AKAP6: variants seen among roughly 807,000 people sequenced by gnomAD.
AKAP6 encodes A-kinase anchor protein 6.
AKAP6 carries 58 observed loss-of-function variants against 188.5 expected under a neutral mutation model. That is an observed-to-expected ratio of 0.31 (90% CI 0.25 to 0.38). AKAP6 has a LOEUF of 0.38. AKAP6 is among the 10% of genes least tolerant of loss of function. The pLI is 1.00. For missense variants in AKAP6, 2,710 were observed against 2,740.0 expected, an observed-to-expected ratio of 0.99 and a Z score of 0.24; for synonymous variants, 989 against 998.6, an observed-to-expected ratio of 0.99 and a Z score of 0.18.
chr14:32,770,645 C>T (rs2032869213), intron 11 of AKAP6, among the ~76,000 whole-genome samples: 3 of 152,228 alleles, frequency 2.0e-5, no homozygotes, highest in Non-Finnish European at 4.4e-5. Context: ...CAGCCTTCTA[C>T]CCATGTAACC....
chr14:32,729,521 C>T (rs1385982666), intron 9 of AKAP6, among the ~76,000 whole-genome samples: 5 of 151,908 alleles, frequency 3.3e-5, no homozygotes, highest in Non-Finnish European at 7.4e-5. Context: ...ATTTTTAACT[C>T]CTTTTTTTAA....
At chr14:32,752,920 T>C (rs560308965) in intron 11 of AKAP6, among the ~76,000 whole-genome samples, 1 of 152,298 alleles carries the variant, frequency 6.6e-6, no homozygotes, top group South Asian at 2.1e-4. Flanking sequence ...TGTGTGTATG[T>C]GTATGAATGT....
At position 32,823,652 on chromosome 14, in the gene AKAP6, A is replaced by T. The variant is rs1403456911; in HGVS notation, c.5839A>T (p.Thr1947Ser). The change falls in exon 13 of 14, where the codon ACT becomes TCT. Residue 1947 changes from threonine to serine, a missense_variant. Physicochemically the swap from Thr to Ser is moderately conservative, Grantham distance 58 (BLOSUM62 1). Transcript: ENST00000280979. ...ALMDSLDDSN[T>S]AGKEFVSQDV... ...TATGGATAGTTTAGATGATTCAAAT[A>T]CTGCTGGCAAGGAATTTGTTTCCCA... 6.2e-7 allele frequency: 1 copy of T among 1,613,708 alleles called. No individual in the cohort carries two copies. Among genetic ancestry groups the T allele is most frequent in the Admixed American group, 1.7e-5 (1 of 59,920 alleles).
intron 1 of AKAP6, among the ~76,000 whole-genome samples, chr14:32,351,562 CAAA>C (rs71432045): frequency 8.6e-6 from 1 of 116,526 alleles, no homozygotes. Flanking sequence ...GACTTCATCT[CAAA>C]AAAAAAAAAA....
intron 2 of AKAP6, among the ~76,000 whole-genome samples, chr14:32,527,134 C>T (rs763935033): frequency 4.6e-5 from 7 of 152,184 alleles, no homozygotes; most frequent in African/African-American, 1.2e-4. Context: ...TTGCCCCAAA[C>T]GGTCTGGGAG....
chr14:32,718,872 C>T (rs1288136671), intron 9 of AKAP6, among the ~76,000 whole-genome samples: 2 of 152,124 alleles, frequency 1.3e-5, no homozygotes, highest in Non-Finnish European at 2.9e-5. Flanking sequence ...TATTTTCCAA[C>T]AACCTCCTAC....
chr14:32,535,471 A>G, intron 2 of AKAP6, 83 bp from the exon 3 acceptor site: 2 of 1,464,108 alleles, frequency 1.4e-6, no homozygotes, highest in South Asian at 1.3e-5. Context: ...GGTGTTAGGT[A>G]AGAGTGTACT....
At chr14:32,591,159 C>T (rs1885469307) in intron 5 of AKAP6, among the ~76,000 whole-genome samples, 1 of 152,184 alleles carries the variant, frequency 6.6e-6, no homozygotes, top group Admixed American at 6.5e-5. Flanking sequence ...AATTATTCCA[C>T]CTCAGGGGGT....
intron 9 of AKAP6, among the ~76,000 whole-genome samples, chr14:32,706,518 A>C (rs148402730): frequency 6.6e-6 from 1 of 152,244 alleles, no homozygotes. Context: ...GGATCCCGTT[A>C]TGCCAAAGGA....
chr14:32,805,553 A>G lies in AKAP6; in HGVS notation c.3589-15849A>G, dbSNP rs182066610. 3.3e-3 allele frequency among the ~76,000 whole-genome samples: 501 copies of G among 152,306 alleles called. 5 individuals carry two copies. The highest frequency in any genetic ancestry group is 0.011 in the African/African-American group (466 of 41,552). The stretch of plus-strand genomic sequence containing the variant: ...GTGTGTTATGACTTGAAAAAGGTTG[A>G]GAAGCATTGGTCTAGAAATAATGGA... On this transcript the variant is annotated intron_variant, in intron 12 of 13. Transcript: ENST00000280979.
rs1881351676 is a variant in AKAP6 at position 32,513,322 on chromosome 14, G to A, written c.325-22232G>A. On this transcript the variant is annotated intron_variant, in intron 2 of 13. Transcript: ENST00000280979. ...TAATAAGTGTATTTTCCTTACCTAT[G>A]TCTTTATTTCAATTCTGCTAAACTT... Among the ~76,000 whole-genome samples the A allele has an allele frequency of 1.3e-5, 2 of 152,176 alleles. 1 individual carries two copies. The highest frequency in any genetic ancestry group is 2.9e-5 in the Non-Finnish European group (2 of 68,034).
rs1449848817 is a variant in AKAP6 at position 32,821,614 on chromosome 14, C to A, written c.3801C>A (p.Asn1267Lys). 1 of 1,613,544 alleles carries A rather than the reference C, an allele frequency of 6.2e-7. No individual in the cohort carries two copies. ...CTGGTTATGACGAGGAGGCTGATAA[C>A]CATGGGGGATCTCAGTATGCCTCAA... ...EDPGYDEEADNHGGSQYASNI... is the reference protein window; with the variant it reads ...EDPGYDEEADKHGGSQYASNI... The change falls in exon 13 of 14, where the codon AAC becomes AAA. Residue 1267 changes from asparagine to lysine, a missense_variant. Coordinates refer to ENST00000280979, the MANE Select transcript of AKAP6 (RefSeq NM_004274.5).
rs140026378 is a variant in AKAP6 at position 32,524,843 on chromosome 14, T to A, written c.325-10711T>A. ...TTCTGGCTCCGTGTTTTTCAATGTG[T>A]GGTGCATAGAACACCAGCATGATGG... On this transcript the variant is annotated intron_variant, in intron 2 of 13. Transcript: ENST00000280979. 9.4e-3 allele frequency among the ~76,000 whole-genome samples: 1,436 copies of A among 152,278 alleles called. 21 individuals carry two copies. Among genetic ancestry groups the A allele is most frequent in the African/African-American group, 0.03 (1,244 of 41,548 alleles).
At chr14:32,532,124 TG>T (rs2139102649) in intron 2 of AKAP6, among the ~76,000 whole-genome samples, 1 of 152,356 alleles carries the variant, frequency 6.6e-6, no homozygotes, top group Non-Finnish European at 1.5e-5. Flanking sequence ...GAGTTCCAGT[TG>T]TTCTAGAAGT....
chr14:32,365,031 A>C (rs1887786601), intron 1 of AKAP6, among the ~76,000 whole-genome samples: 1 of 152,168 alleles, frequency 6.6e-6, no homozygotes, highest in Non-Finnish European at 1.5e-5. Context: ...AAGGAGTCTA[A>C]GCTGTGTGCC....
At chr14:32,553,779 G>A (rs1883581689) in intron 4 of AKAP6, among the ~76,000 whole-genome samples, 1 of 152,098 alleles carries the variant, frequency 6.6e-6, no homozygotes, top group South Asian at 2.1e-4. Flanking sequence ...CCAAGGGATG[G>A]TCTGTTCCCA....
chr14:32,473,863 G>C (rs1042613993), intron 2 of AKAP6: 1 of 152,318 alleles, frequency 6.6e-6, no homozygotes, highest in African/African-American at 2.4e-5. Flanking sequence ...TCATGGATCT[G>C]CTGCTGTTCT....
At chr14:32,826,514 C>A (rs934989971) in intron 13 of AKAP6, among the ~76,000 whole-genome samples, 1 of 152,122 alleles carries the variant, frequency 6.6e-6, no homozygotes, top group Non-Finnish European at 1.5e-5. Flanking sequence ...ATTTTGTTTT[C>A]TGAAAGGGGA....
chr14:32,623,999 G>A (rs947409261), intron 7 of AKAP6, among the ~76,000 whole-genome samples: 5 of 152,114 alleles, frequency 3.3e-5, no homozygotes, highest in Non-Finnish European at 7.4e-5. Context: ...GAGTGGCAAA[G>A]TGAATTAACA....
Sources: gnomAD v4.1 joint callset for allele counts (sites outside exome capture counted in the v4.1 genomes callset) on GRCh38, gnomAD v4.1.1 for gene constraint, MANE v1.5 for transcripts, NCBI Gene and HGNC (gene_info 2026-07-23, HGNC 2026-07-21) for gene names.